Variants in UNC13C observed in about 807,000 individuals in gnomAD.
The protein encoded by UNC13C is unc-13 homolog C.
Under a neutral mutation model 245.4 loss-of-function variants are expected in UNC13C, and 174 were observed. The ratio of observed to expected loss-of-function variants is 0.71; its 90% CI spans 0.63 to 0.80. The LOEUF is 0.80. UNC13C is among the 30% of genes least tolerant of loss of function. The pLI, the probability that UNC13C is intolerant of heterozygous loss-of-function variation, is 0.00. For synonymous variants in UNC13C, 992 were observed against 895.1 expected, an observed-to-expected ratio of 1.11 and a Z score of -1.93; for missense variants, 2,829 against 2,602.9, an observed-to-expected ratio of 1.09 and a Z score of -1.89.
At chr15:54,442,472 C>T (rs1169021927) in intron 19 of UNC13C, among the ~76,000 whole-genome samples, 1 of 152,058 alleles carries the variant, frequency 6.6e-6, no homozygotes, top group Non-Finnish European at 1.5e-5. Flanking sequence ...ATCCACCTGC[C>T]TCAGCCTCCC....
At chr15:54,192,278 T>A (rs1394308150) in intron 4 of UNC13C, among the ~76,000 whole-genome samples, 5 of 152,184 alleles carry the variant, frequency 3.3e-5, no homozygotes, top group Non-Finnish European at 7.3e-5. Flanking sequence ...TCTTCTTTGT[T>A]TTTGTAGTCT....
intron 19 of UNC13C, among the ~76,000 whole-genome samples, chr15:54,456,243 G>C (rs1215424112): frequency 6.6e-6 from 1 of 152,138 alleles, no homozygotes; most frequent in African/African-American, 2.4e-5. Flanking sequence ...ATGCTGTTTT[G>C]ATAATTATAG....
chr15:54,553,625 T>G (rs77200088), intron 28 of UNC13C, among the ~76,000 whole-genome samples: 3,234 of 150,778 alleles, frequency 0.021, 54 homozygotes, highest in Middle Eastern at 0.051. Flanking sequence ...AACCAATTGA[T>G]GAAAATACAC....
chr15:54,329,809 A>G (rs1226693467), intron 14 of UNC13C, among the ~76,000 whole-genome samples: 2 of 152,064 alleles, frequency 1.3e-5, no homozygotes, highest in Admixed American at 6.6e-5. Flanking sequence ...TTTTCCAGCT[A>G]GGCACTGAAG....
intron 19 of UNC13C, among the ~76,000 whole-genome samples, chr15:54,481,905 C>A (rs1893141719): frequency 6.6e-6 from 1 of 152,140 alleles, no homozygotes; most frequent in Non-Finnish European, 1.5e-5. Context: ...CAAATCTCTC[C>A]TCAGGTCCCA....
At chr15:54,517,507 T>C (rs1015112908) in intron 24 of UNC13C, among the ~76,000 whole-genome samples, 1 of 152,130 alleles carries the variant, frequency 6.6e-6, no homozygotes, top group Non-Finnish European at 1.5e-5. Context: ...AGACTAGAGA[T>C]GCCTTTTAGC....
chr15:54,048,758 TAC>T (rs1897148943), intron 2 of UNC13C: 4 of 263,656 alleles, frequency 1.5e-5, no homozygotes, highest in Non-Finnish European at 3.1e-5. Flanking sequence ...GATATGGTGA[TAC>T]ACTGATGTGA....
At chr15:54,091,755 C>A (rs965490351) in intron 2 of UNC13C, among the ~76,000 whole-genome samples, 1 of 108,088 alleles carries the variant, frequency 9.3e-6, no homozygotes, top group Non-Finnish European at 2.1e-5. Context: ...TATAGTTTTT[C>A]AATTGATACT....
the UNC13C span, among the ~76,000 whole-genome samples, chr15:53,970,041 G>A: frequency 6.6e-6 from 1 of 150,692 alleles, no homozygotes; most frequent in Non-Finnish European, 1.5e-5. Context: ...TATAGCTTGT[G>A]ACAAGTTTTC....
intron 16 of UNC13C, among the ~76,000 whole-genome samples, chr15:54,335,312 A>T (rs1014086123): frequency 6.6e-6 from 1 of 152,118 alleles, no homozygotes; most frequent in African/African-American, 2.4e-5. Flanking sequence ...CATTTCCCTT[A>T]ATAGCAAAAC....
intron 2 of UNC13C, among the ~76,000 whole-genome samples, chr15:54,093,029 C>G (rs1039625979): frequency 7.9e-5 from 12 of 151,954 alleles, no homozygotes; most frequent in African/African-American, 2.9e-4. Flanking sequence ...TATTCCAGTC[C>G]CCTTTAGCCT....
At chr15:54,106,557 C>G (rs887503811) in intron 2 of UNC13C, among the ~76,000 whole-genome samples, 1 of 152,156 alleles carries the variant, frequency 6.6e-6, no homozygotes, top group Non-Finnish European at 1.5e-5. Flanking sequence ...TATTGCTCTT[C>G]TTTAGTTTCA....
In UNC13C at chr15:54,568,612, G is replaced by T. The variant is rs527460492; in HGVS notation, c.6106+665G>T. 2.0e-5 allele frequency among the ~76,000 whole-genome samples: 3 copies of T among 152,158 alleles called. No individual in the cohort carries two copies. The South Asian group carries it at 6.2e-4, about 32-fold the overall frequency. On this transcript the variant is annotated intron_variant, in intron 30 of 32. Coordinates refer to ENST00000260323, the MANE Select transcript of UNC13C (RefSeq NM_001080534.3). ...GGTGATTATATGCATTTAAGATCTG[G>T]CATTTCTAAGAGATTATTGAAAATG...
At chr15:54,519,495 A>G (rs1895125277) in intron 24 of UNC13C, among the ~76,000 whole-genome samples, 1 of 152,164 alleles carries the variant, frequency 6.6e-6, no homozygotes, top group Non-Finnish European at 1.5e-5. Context: ...GATTTACTGC[A>G]TACTCTCTTT....
Position 54,319,075 on chromosome 15 carries a change from C to T in UNC13C, c.4269-2864C>T, listed in dbSNP as rs553310571. 2.0e-5 allele frequency among the ~76,000 whole-genome samples: 3 copies of T among 151,878 alleles called. No homozygotes were observed. The East Asian group carries it at 5.9e-4, about 30-fold the overall frequency. On this transcript the variant is annotated intron_variant, in intron 13 of 32. Transcript: ENST00000260323. ...GAACAAGATTACTCAGCCTGATGAC[C>T]TCCAGTATCCCTCTAAAAAGACAAT...
At chr15:54,495,426 C>T (rs1190287645) in intron 20 of UNC13C, among the ~76,000 whole-genome samples, 5 of 151,816 alleles carry the variant, frequency 3.3e-5, no homozygotes, top group East Asian at 1.9e-4. Flanking sequence ...ATAAGCAAAG[C>T]GCAATAGGGT....
Position 54,567,395 on chromosome 15 carries a change from C to T in UNC13C, c.5959-405C>T, listed in dbSNP as rs998850105. ...AACTGGTATCTGGAAAATATGTGGCCGGAAGCTACCTTCCCTGTGAAATTT... is the reference window on the plus strand; with the variant it reads ...AACTGGTATCTGGAAAATATGTGGCTGGAAGCTACCTTCCCTGTGAAATTT... On this transcript the variant is annotated intron_variant, in intron 29 of 32. Transcript: ENST00000260323. Among the ~76,000 whole-genome samples the T allele has an allele frequency of 9.2e-5, 14 of 152,014 alleles. 1 individual carries two copies. The highest frequency in any genetic ancestry group is 7.2e-4 in the Admixed American group (11 of 15,244).
At chr15:54,566,691 G>A (rs1011947028) in intron 29 of UNC13C, among the ~76,000 whole-genome samples, 2 of 151,900 alleles carry the variant, frequency 1.3e-5, no homozygotes, top group Non-Finnish European at 1.5e-5. Context: ...CCAGATGCTA[G>A]CTAATACCCA....
At chr15:53,912,860 G>A in the UNC13C span, 2 of 152,162 alleles carry the variant, frequency 1.3e-5, no homozygotes, top group Non-Finnish European at 2.9e-5. Flanking sequence ...AAGCCTGATG[G>A]AACTTGGCAG....
Sources: allele counts gnomAD v4.1 joint callset (sites outside exome capture counted in the v4.1 genomes callset), GRCh38; gene constraint gnomAD v4.1.1; transcripts MANE v1.5; gene names NCBI Gene and HGNC (gene_info 2026-07-23, HGNC 2026-07-21).